BTD: variants seen among roughly 807,000 people sequenced by gnomAD.
BTD encodes the protein biotinidase.
Under a neutral mutation model 17.7 loss-of-function variants are expected in BTD, and 13 were observed. That is an observed-to-expected ratio of 0.74 (90% confidence interval 0.48 to 1.17). The LOEUF (loss-of-function observed/expected upper bound fraction) is 1.17, where lower values mean the gene tolerates loss of function less well. Among genes scored for constraint, BTD ranks in the 50% most tolerant of loss-of-function variants. The pLI, the probability that BTD is intolerant of heterozygous loss-of-function variation, is 0.00. For missense variants in BTD, 674 were observed against 650.4 expected (o/e 1.04, Z -0.39); for synonymous variants, 240 against 245.2 (o/e 0.98, Z 0.20).
chr3:15,660,346 A>C lies in BTD; in HGVS notation c.399+18289A>C, dbSNP rs1016348472. Among the ~76,000 whole-genome samples the C allele has an allele frequency of 1.2e-4, 18 of 152,362 alleles. 2 individuals are homozygous for C. The South Asian group carries it at 3.3e-3, about 28-fold the overall frequency. On this transcript the variant is annotated intron_variant, in intron 3 of 3. Transcript: ENST00000672141. ...CTGCTATTCATGTGGTTTTCTCTGC[A>C]TCCGTTGCTACCCATGAAGGGAATT...
upstream of BTD, chr3:15,601,662 A>G: frequency 6.4e-7 from 1 of 1,553,642 alleles, no homozygotes; most frequent in Non-Finnish European, 8.7e-7. Context: ...GAATGTAAAC[A>G]CGCGCGTTCT....
Position 15,678,297 on chromosome 3 carries a change from G to A in BTD, c.400-31763G>A, listed in dbSNP as rs777925632. 4 of 1,613,020 alleles carry A rather than the reference G, an allele frequency of 2.5e-6. No individual in the cohort carries two copies. The South Asian group carries it at 3.3e-5, about 13-fold the overall frequency. ...CAGAATTGACTTGAGCATTATGGCTGAGCAGCAGCTGTAAACACTCTACAT... is the reference window on the plus strand; with the variant it reads ...CAGAATTGACTTGAGCATTATGGCTAAGCAGCAGCTGTAAACACTCTACAT... On this transcript the variant is annotated intron_variant, in intron 3 of 3. Transcript: ENST00000672141.
At chr3:15,673,690 G>T (rs1209237940) in intron 3 of BTD, among the ~76,000 whole-genome samples, 1 of 152,162 alleles carries the variant, frequency 6.6e-6, no homozygotes, top group Non-Finnish European at 1.5e-5. Context: ...GCTAAGATTT[G>T]AAACAGGTGA....
At chr3:15,719,530 T>C (rs2073460623) in intron 4 of BTD, among the ~76,000 whole-genome samples, 1 of 152,208 alleles carries the variant, frequency 6.6e-6, no homozygotes. Flanking sequence ...GCATGTGCTC[T>C]CTTATAAAAT....
intron 3 of BTD, among the ~76,000 whole-genome samples, chr3:15,662,958 T>C (rs9810306): frequency 0.044 from 6,645 of 151,640 alleles, 401 homozygotes; most frequent in African/African-American, 0.14. Flanking sequence ...ATCTAGCTAG[T>C]ATCTTGATTT....
chr3:15,713,962 G>A (rs1349977574), downstream of BTD, among the ~76,000 whole-genome samples: 3 of 152,166 alleles, frequency 2.0e-5, 1 homozygote, highest in Non-Finnish European at 4.4e-5. Flanking sequence ...GAGCTTTAAT[G>A]TGCATACTCT....
rs9834785 is a variant in BTD, at chr3:15,651,734, C to A, written c.*6246C>A. 0.037 allele frequency among the ~76,000 whole-genome samples: 5,584 copies of A among 152,188 alleles called. 288 individuals carry two copies. The highest frequency in any genetic ancestry group is 0.11 in the African/African-American group (4,743 of 41,506). ...ATCTAGAAGTCAGTGTTGGGGAGGTCACAGAACAGAATGGAGAGGGGTAGA... is the reference window on the plus strand; with the variant it reads ...ATCTAGAAGTCAGTGTTGGGGAGGTAACAGAACAGAATGGAGAGGGGTAGA... On this transcript the variant is annotated 3_prime_UTR_variant, in exon 4 of 4. Transcript: ENST00000643237.
downstream of BTD, among the ~76,000 whole-genome samples, chr3:15,714,308 T>C (rs2072707303): frequency 1.3e-5 from 2 of 152,070 alleles, no homozygotes; most frequent in African/African-American, 4.8e-5. Flanking sequence ...AGTAATTTTC[T>C]ATTTAGCAAT....
downstream of BTD, chr3:15,714,772 G>A: frequency 1.5e-6 from 1 of 655,704 alleles, no homozygotes; most frequent in Non-Finnish European, 2.4e-6. Context: ...CATGAATTAA[G>A]TTTAACTGAG....
At chr3:15,670,335 C>T in intron 3 of BTD, 1 of 1,614,002 alleles carries the variant, frequency 6.2e-7, no homozygotes, top group Non-Finnish European at 8.5e-7. Flanking sequence ...TCCTGTTCCC[C>T]TCCAATGTTA....
At chr3:15,638,495 G>A (rs1161756561) in intron 2 of BTD, among the ~76,000 whole-genome samples, 2 of 152,172 alleles carry the variant, frequency 1.3e-5, no homozygotes, top group African/African-American at 4.8e-5. Flanking sequence ...CAAGCCACAT[G>A]TACTAAGGGT....
intron 3 of BTD, among the ~76,000 whole-genome samples, chr3:15,694,438 C>T (rs1203784183): frequency 6.6e-6 from 1 of 151,920 alleles, no homozygotes; most frequent in East Asian, 1.9e-4. Flanking sequence ...TAAAATTCAC[C>T]ATCACAGGCA....
At chr3:15,722,035 G>A (rs1226955812) in exon 5 of BTD, among the ~76,000 whole-genome samples, 1 of 151,922 alleles carries the variant, frequency 6.6e-6, no homozygotes, top group African/African-American at 2.4e-5. Context: ...GTGAGACCCT[G>A]TGCCCAGCCT....
At chr3:15,689,560 T>C (rs1258287548) in intron 3 of BTD, among the ~76,000 whole-genome samples, 1 of 152,212 alleles carries the variant, frequency 6.6e-6, no homozygotes, top group East Asian at 1.9e-4. Flanking sequence ...AGGAGCTTCT[T>C]TTCATGAGAG....
At chr3:15,623,772 T>G (rs1290953729) in intron 1 of BTD, among the ~76,000 whole-genome samples, 2 of 152,192 alleles carry the variant, frequency 1.3e-5, no homozygotes, top group Non-Finnish European at 1.5e-5. Flanking sequence ...CGTGTAGCAC[T>G]TCCCACTTAG....
chr3:15,644,546 C>A lies in BTD; in HGVS notation c.630C>A (p.Ile210=). The change falls in exon 4 of 4, where the codon ATC becomes ATA. Residue 210 remains isoleucine (I), a synonymous_variant. Transcript: ENST00000643237. ...ATGTTCCTCTTAAAGTGGATCTCAT[C>A]ACCTTTGATACCCCCTTTGCTGGCA... ...AFDVPLKVDL[I]TFDTPFAGRF... is the part of the protein sequence containing the mutation. The A allele has an allele frequency of 6.2e-7, 1 of 1,614,218 alleles. No homozygotes were observed. The highest frequency in any genetic ancestry group is 8.5e-7 in the Non-Finnish European group (1 of 1,180,042).
chr3:15,659,541 C>T (rs532327732), intron 3 of BTD, among the ~76,000 whole-genome samples: 12 of 152,340 alleles, frequency 7.9e-5, no homozygotes, highest in South Asian at 4.1e-4. Context: ...TTCACATAGG[C>T]GCTTTCTCTA....
At position 15,645,835 on chromosome 3, in the gene BTD, G is replaced by GTT; in HGVS notation, c.*347_*348insTT. 5.1e-6 allele frequency: 1 copy of GTT among 197,382 alleles called. No individual in the cohort carries two copies. The highest frequency in any genetic ancestry group is 1.0e-5 in the Non-Finnish European group (1 of 98,554). The allele number at this position is 197,382 out of a possible 1,614,324, so 12.2% of individuals were successfully genotyped here. On this transcript the variant is annotated 3_prime_UTR_variant, in exon 4 of 4. Transcript: ENST00000643237. ...ACACATCCACAAAGCAGTGGCTTGG[G>GTT]GTTTTTTTTTTTTTTTTTATCTTGT...
At chr3:15,658,317 ACATGTGTTT>A (rs1223733067), downstream of BTD, among the ~76,000 whole-genome samples, 1 of 152,196 alleles carries the variant, frequency 6.6e-6, no homozygotes, top group East Asian at 1.9e-4. Context: ...TCTGCGTGGA[ACATGTGTTT>A]CAGCCCCCTG....
Sources: gnomAD v4.1 joint callset for allele counts (sites outside exome capture counted in the v4.1 genomes callset) on GRCh38, gnomAD v4.1.1 for gene constraint, MANE v1.5 for transcripts, NCBI Gene and HGNC (gene_info 2026-07-23, HGNC 2026-07-21) for gene names.